The following ZFHX4 variants were observed in gnomAD, a reference collection of about 807,000 sequenced individuals.
ZFHX4 encodes the protein zinc finger homeobox 4.
Under a neutral mutation model 267.6 loss-of-function variants are expected in ZFHX4, and 56 were observed. The ratio of observed to expected loss-of-function variants is 0.21; its 90% CI spans 0.17 to 0.26. ZFHX4 has a LOEUF of 0.26. Ranked by LOEUF, ZFHX4 falls within the 10% of genes least tolerant of loss-of-function variation. ZFHX4 has a pLI of 1.00. For synonymous variants in ZFHX4, 1,778 were observed against 1,665.6 expected (o/e 1.07, Z -1.64); for missense variants, 4,332 against 4,420.0 (o/e 0.98, Z 0.56).
At chr8:76,740,670 T>C (rs1375110113) in intron 3 of ZFHX4, among the ~76,000 whole-genome samples, 1 of 152,104 alleles carries the variant, frequency 6.6e-6, no homozygotes, top group African/African-American at 2.4e-5. Flanking sequence ...ACTGGCTATA[T>C]GGGAGGTAAA....
At chr8:76,693,516 CGT>C (rs537744500) in intron 1 of ZFHX4, 2 of 151,720 alleles carry the variant, frequency 1.3e-5, no homozygotes, top group Non-Finnish European at 1.5e-5. Flanking sequence ...TGTATGTGTG[CGT>C]GTGTGTGTAT....
In ZFHX4 at chr8:76,817,236, G is replaced by T. The variant is rs185583072; in HGVS notation, c.3326-16102G>T. Among the ~76,000 whole-genome samples, 326 of 150,776 alleles carry T rather than the reference G, an allele frequency of 2.2e-3. 2 individuals are homozygous for T. Among genetic ancestry groups the T allele is most frequent in the South Asian group, 8.0e-3 (38 of 4,776 alleles). On this transcript the variant is annotated intron_variant, in intron 4 of 10. Coordinates refer to ENST00000651372, the MANE Select transcript of ZFHX4 (RefSeq NM_024721.5). ...TAAAAGAAATAAAATCCCTTTTAAA[G>T]AAAAAAAAATGAGAAATTGAGAAAG...
intron 1 of ZFHX4, among the ~76,000 whole-genome samples, chr8:76,687,642 A>G (rs956858439): frequency 2.0e-5 from 3 of 152,176 alleles, no homozygotes; most frequent in African/African-American, 4.8e-5. Context: ...TAACATAATC[A>G]TATTTAAAAT....
At chr8:76,823,776 C>G (rs373397544) in intron 4 of ZFHX4, among the ~76,000 whole-genome samples, 1 of 152,076 alleles carries the variant, frequency 6.6e-6, no homozygotes, top group African/African-American at 2.4e-5. Context: ...ATCTAGTTAT[C>G]TGAGGATTTT....
intron 4 of ZFHX4, among the ~76,000 whole-genome samples, chr8:76,779,556 C>T (rs1810494355): frequency 6.6e-6 from 1 of 152,014 alleles, no homozygotes. Flanking sequence ...CTATTGAATC[C>T]CATGGCAAAC....
In ZFHX4 at chr8:76,705,421, T is replaced by C. The variant is rs747320708; in HGVS notation, c.1333T>C (p.Cys445Arg). Reference sequence around the variant, plus strand: ...AGAGAGCAAAGACCAAGAGAACAACTGTGAAAGGCCAAAAGAAAGCAACGT... The same window carrying C: ...AGAGAGCAAAGACCAAGAGAACAACCGTGAAAGGCCAAAAGAAAGCAACGT... ...MSESKDQENN[C>R]ERPKESNVLH... Residue 445 changes from cysteine to arginine, a missense_variant, in exon 2 of 11, where the codon TGT becomes CGT. By Grantham distance (180) the Cys-to-Arg change is radical. Transcript: ENST00000651372. 1.2e-6 allele frequency: 2 copies of C among 1,613,750 alleles called. No homozygotes were observed. The highest frequency in any genetic ancestry group is 1.7e-5 in the Admixed American group (1 of 60,008).
intron 3 of ZFHX4, among the ~76,000 whole-genome samples, chr8:76,715,301 G>A (rs764623595): frequency 3.3e-5 from 5 of 151,708 alleles, no homozygotes; most frequent in African/African-American, 1.2e-4. Flanking sequence ...GACCAGCCTG[G>A]TGAAACCCTG....
chr8:76,834,090 A>G (rs1273016507), intron 5 of ZFHX4: 1 of 438,242 alleles, frequency 2.3e-6, no homozygotes, highest in Non-Finnish European at 4.6e-6. Flanking sequence ...GCTGAATAAT[A>G]TATATATATC....
At chr8:76,792,592 G>T (rs775977575) in intron 4 of ZFHX4, among the ~76,000 whole-genome samples, 21 of 152,240 alleles carry the variant, frequency 1.4e-4, no homozygotes, top group East Asian at 5.8e-4. Flanking sequence ...AGAAAGGAAG[G>T]TCCAATAATA....
intron 3 of ZFHX4, chr8:76,708,358 GA>G (rs1320230444): frequency 1.9e-5 from 5 of 257,880 alleles, no homozygotes; most frequent in Admixed American, 5.2e-5. Flanking sequence ...TAAACCTATT[GA>G]TTTTTTTTTT....
chr8:76,687,187 A>T (rs1260913435), intron 1 of ZFHX4, among the ~76,000 whole-genome samples: 1 of 152,208 alleles, frequency 6.6e-6, no homozygotes, highest in Non-Finnish European at 1.5e-5. Context: ...CTAGCTATCT[A>T]ATTTAACTCA....
rs375393965 is a variant in ZFHX4 at position 76,849,014 on chromosome 8, G to A, written c.3531G>A (p.Lys1177=). Residue 1177 remains lysine (K), a synonymous_variant, in exon 7 of 11, where the codon AAG becomes AAA. Transcript: ENST00000651372. ...AATCAGGGATAATCACACCAGAGAAGGAACTAAAAGTTAGTGTGGCAGGGG... is the reference window on the plus strand; with the variant it reads ...AATCAGGGATAATCACACCAGAGAAAGAACTAAAAGTTAGTGTGGCAGGGG... ...NKDSGIITPE[K]ELKVSVAGGT... 6 of 1,548,036 alleles carry A rather than the reference G, an allele frequency of 3.9e-6. No homozygotes were observed. Among genetic ancestry groups the A allele is most frequent in the East Asian group, 2.4e-5 (1 of 41,116 alleles).
chr8:76,812,706 G>C (rs1481853591), intron 4 of ZFHX4, among the ~76,000 whole-genome samples: 1 of 152,028 alleles, frequency 6.6e-6, no homozygotes, highest in Non-Finnish European at 1.5e-5. Context: ...TAACGTCAAT[G>C]AGTTAAAGAA....
intron 4 of ZFHX4, among the ~76,000 whole-genome samples, chr8:76,800,146 G>C (rs776963023): frequency 2.0e-5 from 3 of 152,072 alleles, no homozygotes; most frequent in Non-Finnish European, 4.4e-5. Flanking sequence ...CAAAGTGAAG[G>C]AGTCGCACAA....
In ZFHX4 at chr8:76,854,385, A is replaced by T. The variant is rs780326425; in HGVS notation, c.7464A>T (p.Pro2488=). Residue 2488 remains proline (P), a synonymous_variant, in exon 10 of 11, where the codon CCA becomes CCT. Transcript: ENST00000651372. ...SMTSLQNSLP[P]QLLQYQCDQC... Reference sequence around the variant, plus strand: ...CGTCTCTCCAGAACAGTCTACCTCCACAGTTACTACAATACCAATGTGATC... The same window carrying T: ...CGTCTCTCCAGAACAGTCTACCTCCTCAGTTACTACAATACCAATGTGATC... 1.2e-6 allele frequency: 2 copies of T among 1,613,760 alleles called. No individual in the cohort carries two copies. Among genetic ancestry groups the T allele is most frequent in the Admixed American group, 1.7e-5 (1 of 59,994 alleles).
chr8:76,787,695 C>T (rs1810729359), intron 4 of ZFHX4, among the ~76,000 whole-genome samples: 1 of 151,044 alleles, frequency 6.6e-6, no homozygotes, highest in African/African-American at 2.4e-5. Flanking sequence ...AGCATGTAGT[C>T]CCAGCTAATC....
chr8:76,856,063 G>A lies in ZFHX4; in HGVS notation c.9142G>A (p.Asp3048Asn). Reference protein sequence around the residue: ...TVGSQLDREKDYLAPTTVRQL... With the variant: ...TVGSQLDREKNYLAPTTVRQL... ...TGGCAGTCAGCTCGATCGGGAGAAA[G>A]ATTACTTGGCTCCGACCACGGTTCG... is the stretch of plus-strand genomic sequence containing the variant. Residue 3048 changes from aspartate (D) to asparagine (N), a missense_variant, in exon 10 of 11, where the codon GAT (aspartate) becomes AAT (asparagine). Asp to Asn is a conservative substitution (Grantham distance 23). Transcript: ENST00000651372. 6.2e-7 allele frequency: 1 copy of A among 1,613,998 alleles called. No individual in the cohort carries two copies. Among genetic ancestry groups the A allele is most frequent in the Non-Finnish European group, 8.5e-7 (1 of 1,179,882 alleles).
At chr8:76,683,737 C>G (rs1304624248) in intron 1 of ZFHX4, 2 of 148,718 alleles carry the variant, frequency 1.3e-5, no homozygotes, top group African/African-American at 5.0e-5. Context: ...CCTGGATTTT[C>G]AGTGGCTTGA....
intron 1 of ZFHX4, among the ~76,000 whole-genome samples, chr8:76,690,934 TG>T (rs1361501759): frequency 6.6e-6 from 1 of 152,024 alleles, no homozygotes; most frequent in Non-Finnish European, 1.5e-5. Context: ...TGCCAGAGCC[TG>T]GGAAGTGGCC....
Sources: allele counts gnomAD v4.1 joint callset (sites outside exome capture counted in the v4.1 genomes callset), GRCh38; gene constraint gnomAD v4.1.1; transcripts MANE v1.5; gene names NCBI Gene and HGNC (gene_info 2026-07-23, HGNC 2026-07-21).